Variants in TMEM178B observed in about 807,000 individuals in gnomAD.
TMEM178B encodes transmembrane protein 178B.
TMEM178B carries 5 observed loss-of-function variants against 31.0 expected under a neutral mutation model. That is an observed-to-expected ratio of 0.16 (90% confidence interval 0.08 to 0.34). TMEM178B has a LOEUF of 0.34. Ranked by LOEUF, TMEM178B falls within the 10% of genes least tolerant of loss-of-function variation. The pLI, the probability that TMEM178B is intolerant of heterozygous loss-of-function variation, is 1.00. For synonymous variants in TMEM178B, 164 were observed against 164.0 expected (o/e 1.00, Z 0.00); for missense variants, 275 against 400.3 (o/e 0.69, Z 2.67).
At chr7:141,494,915 G>A in the TMEM178B span, among the ~76,000 whole-genome samples, 1 of 152,226 alleles carries the variant, frequency 6.6e-6, no homozygotes, top group East Asian at 1.9e-4. Context: ...AATTGGTTAA[G>A]GTACAGAAAA....
Position 141,212,630 on chromosome 7 carries a change from C to G in TMEM178B, c.422C>G (p.Ser141Cys). The change falls in exon 2 of 4, where the codon TCC becomes TGC. Residue 141 changes from serine to cysteine, a missense_variant. Physicochemically the swap from Ser to Cys is moderately radical, Grantham distance 112. Coordinates refer to ENST00000565468, the MANE Select transcript of TMEM178B (RefSeq NM_001195278.2). ...TGTACGTACATCAAATACCACTACT[C>G]CTCAGCAACCATCCCCAGGAACCTC... ...ERCTYIKYHY[S>C]SATIPRNLTF... The G allele has an allele frequency of 6.5e-7, 1 of 1,536,120 alleles. No homozygotes were observed. Among genetic ancestry groups the G allele is most frequent in the African/African-American group, 1.4e-5 (1 of 73,164 alleles).
chr7:141,282,700 G>A (rs1438776256), intron 2 of TMEM178B, among the ~76,000 whole-genome samples: 2 of 152,210 alleles, frequency 1.3e-5, no homozygotes, highest in African/African-American at 2.4e-5. Context: ...GAATGCTAGT[G>A]AAATTCAAAC....
intron 2 of TMEM178B, among the ~76,000 whole-genome samples, chr7:141,314,992 T>G (rs1798976579): frequency 1.3e-5 from 2 of 152,230 alleles, no homozygotes. Flanking sequence ...GATCAAATCC[T>G]TCTCCATCCA....
intron 2 of TMEM178B, among the ~76,000 whole-genome samples, chr7:141,378,225 G>T (rs1800254442): frequency 6.6e-6 from 1 of 152,168 alleles, no homozygotes; most frequent in African/African-American, 2.4e-5. Flanking sequence ...TACCATGGAG[G>T]TCAAGTGCTC....
the TMEM178B span, among the ~76,000 whole-genome samples, chr7:141,493,538 A>C: frequency 6.6e-6 from 1 of 152,156 alleles, no homozygotes; most frequent in Non-Finnish European, 1.5e-5. Context: ...CTGCGGCTGC[A>C]GTCCAGGAAG....
intron 2 of TMEM178B, among the ~76,000 whole-genome samples, chr7:141,425,032 C>G (rs1801288076): frequency 6.6e-6 from 1 of 152,176 alleles, no homozygotes; most frequent in East Asian, 1.9e-4. Flanking sequence ...ATCTCTTTGT[C>G]TCAATTTCCA....
chr7:141,080,727 A>T (rs1414081878), intron 1 of TMEM178B, among the ~76,000 whole-genome samples: 1 of 152,252 alleles, frequency 6.6e-6, no homozygotes, highest in African/African-American at 2.4e-5. Flanking sequence ...GCAAAGGGGA[A>T]GAATGACAAG....
In TMEM178B at chr7:141,235,453, C is replaced by A. The variant is rs555936432; in HGVS notation, c.496+22749C>A. Among the ~76,000 whole-genome samples the A allele has an allele frequency of 5.9e-5, 9 of 152,178 alleles. No homozygotes were observed. In the East Asian group the frequency reaches 1.7e-3, roughly 29 times the overall value. ...GTGTAGACAGAACAGAATTTATAAC[C>A]GTCAATAAAAACATTCATTTTAAGT... On this transcript the variant is annotated intron_variant, in intron 2 of 3. Transcript: ENST00000565468.
intron 2 of TMEM178B, among the ~76,000 whole-genome samples, chr7:141,386,114 A>G (rs1314953024): frequency 6.6e-6 from 1 of 152,218 alleles, no homozygotes; most frequent in Non-Finnish European, 1.5e-5. Context: ...TGGCCTCTAA[A>G]AAACAGAGAT....
chr7:141,423,988 T>G (rs1801267368), intron 2 of TMEM178B, among the ~76,000 whole-genome samples: 1 of 151,648 alleles, frequency 6.6e-6, no homozygotes, highest in Admixed American at 6.6e-5. Context: ...TTTTTTTTTT[T>G]TGTATTTTTA....
At chr7:141,330,650 A>G (rs570111932) in intron 2 of TMEM178B, among the ~76,000 whole-genome samples, 15 of 152,314 alleles carry the variant, frequency 9.8e-5, no homozygotes, top group African/African-American at 3.1e-4. Flanking sequence ...AGAAGATGGA[A>G]GTGAAAGGTA....
the TMEM178B span, among the ~76,000 whole-genome samples, chr7:141,490,136 C>T: frequency 1.3e-5 from 2 of 152,166 alleles, no homozygotes; most frequent in African/African-American, 4.8e-5. Context: ...GTCTTCCGCT[C>T]CCTCCCCAGC....
chr7:141,163,985 A>C (rs1030114318), intron 1 of TMEM178B, among the ~76,000 whole-genome samples: 1 of 152,174 alleles, frequency 6.6e-6, no homozygotes, highest in African/African-American at 2.4e-5. Context: ...TAATCCTTTA[A>C]TTTTACAGAC....
At chr7:141,300,063 T>A (rs561633746) in intron 2 of TMEM178B, among the ~76,000 whole-genome samples, 28 of 152,318 alleles carry the variant, frequency 1.8e-4, no homozygotes, top group Non-Finnish European at 3.4e-4. Flanking sequence ...GGATTATAGG[T>A]GTGAGCCACC....
chr7:141,175,085 A>G (rs1237469246), intron 1 of TMEM178B, among the ~76,000 whole-genome samples: 1 of 152,036 alleles, frequency 6.6e-6, no homozygotes, highest in Non-Finnish European at 1.5e-5. Context: ...TAGGGTTTTT[A>G]TGGTTTTAGG....
At chr7:141,469,771 T>C (rs764256221) in intron 3 of TMEM178B, among the ~76,000 whole-genome samples, 14 of 152,234 alleles carry the variant, frequency 9.2e-5, no homozygotes, top group Non-Finnish European at 1.8e-4. Context: ...CTTATAGCAG[T>C]TTTCTTATTA....
intron 1 of TMEM178B, among the ~76,000 whole-genome samples, chr7:141,113,868 A>C (rs1795274935): frequency 6.6e-6 from 1 of 152,238 alleles, no homozygotes; most frequent in African/African-American, 2.4e-5. Flanking sequence ...ATTTATAGGC[A>C]TGGTAATTGT....
chr7:141,497,541 G>A, the TMEM178B span, among the ~76,000 whole-genome samples: 1 of 152,086 alleles, frequency 6.6e-6, no homozygotes, highest in Non-Finnish European at 1.5e-5. Flanking sequence ...TTGCTTCGTG[G>A]GCTTTGCATG....
At chr7:141,276,234 G>A (rs1465515977) in intron 2 of TMEM178B, among the ~76,000 whole-genome samples, 3 of 152,114 alleles carry the variant, frequency 2.0e-5, no homozygotes, top group Non-Finnish European at 2.9e-5. Flanking sequence ...GCTGCCTTGG[G>A]CACATCCAGT....
Sources: allele counts gnomAD v4.1 joint callset (sites outside exome capture counted in the v4.1 genomes callset), GRCh38; gene constraint gnomAD v4.1.1; transcripts MANE v1.5; gene names NCBI Gene and HGNC (gene_info 2026-07-23, HGNC 2026-07-21).